Variants in CCDC68 observed in about 807,000 individuals in gnomAD.
CCDC68 encodes coiled-coil domain containing 68.
CCDC68 carries 45 observed loss-of-function variants against 47.1 expected under a neutral mutation model. That is an observed-to-expected ratio of 0.96 (90% confidence interval 0.75 to 1.23). The LOEUF (loss-of-function observed/expected upper bound fraction) is 1.23. Ranked by LOEUF, CCDC68 falls within the 50% of genes most tolerant of loss-of-function variation. The pLI, the probability that CCDC68 is intolerant of heterozygous loss-of-function variation, is 0.00. For synonymous variants in CCDC68, 131 were observed against 129.5 expected, an observed-to-expected ratio of 1.01 and a Z score of -0.08; for missense variants, 353 against 373.6, an observed-to-expected ratio of 0.94 and a Z score of 0.45.
chr18:54,920,124 A>G (rs778961087), intron 8 of CCDC68, among the ~76,000 whole-genome samples: 1 of 152,146 alleles, frequency 6.6e-6, no homozygotes, highest in Non-Finnish European at 1.5e-5. Context: ...AGAGTTATGA[A>G]GCCACATGCA....
chr18:54,947,509 C>T (rs1341454865), intron 1 of CCDC68, among the ~76,000 whole-genome samples: 3 of 152,236 alleles, frequency 2.0e-5, no homozygotes, highest in Non-Finnish European at 4.4e-5. Context: ...CCACTCCATA[C>T]CTGTGTGACC....
Position 54,928,814 on chromosome 18 carries a change from A to G in CCDC68, c.669T>C (p.Ala223=). Residue 223 remains alanine (A), a synonymous_variant, in exon 8 of 12, where the codon GCT becomes GCC. Transcript: ENST00000591504. Reference sequence around the variant, plus strand: ...GCTTCACAAACCTTTTTCCATATGTAGCACTGGATTTGAGTTGCAGTAGCT... The same window carrying G: ...GCTTCACAAACCTTTTTCCATATGTGGCACTGGATTTGAGTTGCAGTAGCT... The part of the protein sequence containing the change: ...ENKLLQLKSS[A]TYGKSCQDLQ... 6.2e-7 allele frequency: 1 copy of G among 1,610,776 alleles called. No individual in the cohort carries two copies. The highest frequency in any genetic ancestry group is 8.5e-7 in the Non-Finnish European group (1 of 1,176,942).
chr18:54,914,549 C>A (rs1163781959), intron 10 of CCDC68, among the ~76,000 whole-genome samples: 1 of 151,906 alleles, frequency 6.6e-6, no homozygotes, highest in African/African-American at 2.4e-5. Flanking sequence ...ACCCGGGAGG[C>A]CAAGGCTGCA....
chr18:54,924,919 T>C lies in CCDC68; in HGVS notation c.683+3881A>G, dbSNP rs545583629. On this transcript the variant is annotated intron_variant, in intron 8 of 11. Coordinates refer to ENST00000591504, the MANE Select transcript of CCDC68 (RefSeq NM_025214.3). ...TGTTCCAATGGCTTTTATTGAATTG[T>C]GTTGGCATCATGCTATTCTGTTTAG... 7.2e-5 allele frequency among the ~76,000 whole-genome samples: 11 copies of C among 152,294 alleles called. No homozygotes were observed. The South Asian group carries it at 2.3e-3, about 32-fold the overall frequency.
At chr18:54,909,839 G>C (rs1417276452) in intron 10 of CCDC68, among the ~76,000 whole-genome samples, 2 of 152,252 alleles carry the variant, frequency 1.3e-5, no homozygotes. Context: ...GCCCCAAAGA[G>C]AGAGTCACAG....
rs1211810722 is a variant in CCDC68, at chr18:54,902,219, A to G, written c.*2139T>C. ...TAGGTGGTTTCACCACTGTATTTCC[A>G]TGTTCAAAAATGAGTATAGTGAAAT... On this transcript the variant is annotated 3_prime_UTR_variant, in exon 12 of 12. Coordinates refer to ENST00000591504, the MANE Select transcript of CCDC68 (RefSeq NM_025214.3). 2 of 152,178 alleles carry G rather than the reference A, an allele frequency of 1.3e-5. No homozygotes were observed. Among genetic ancestry groups the G allele is most frequent in the East Asian group, 1.9e-4 (1 of 5,200 alleles). 9.4% of individuals were successfully genotyped at this position (152,178 alleles called of 1,614,324 possible). A position where few individuals can be genotyped will look rare whatever the true frequency, so the allele number is the denominator to read the frequency against.
chr18:54,952,408 TTA>T (rs1180823930), intron 1 of CCDC68, among the ~76,000 whole-genome samples: 1 of 152,144 alleles, frequency 6.6e-6, no homozygotes, highest in Non-Finnish European at 1.5e-5. Flanking sequence ...TGAACATAAT[TTA>T]TGTCATTTAA....
rs868384665 is a variant in CCDC68, at chr18:54,950,988, A to G, written c.-102-5511T>C. ...CAGTGGCGCGATCTCGGCTCACTGC[A>G]AGCTCCGCCTCCCGGGTTCACGCCA... On this transcript the variant is annotated intron_variant, in intron 1 of 11. Coordinates refer to ENST00000591504, the MANE Select transcript of CCDC68 (RefSeq NM_025214.3). Among the ~76,000 whole-genome samples the G allele has an allele frequency of 1.0e-3, 130 of 126,816 alleles. 1 individual carries two copies. The highest frequency in any genetic ancestry group is 3.8e-3 in the African/African-American group (129 of 33,666). The allele number at this position is 126,816 out of a possible 152,430, so 83.2% of individuals were successfully genotyped here. A position where few individuals can be genotyped will look rare whatever the true frequency, so the allele number is the denominator to read the frequency against.
At chr18:54,923,605 AT>A (rs1300286555) in intron 8 of CCDC68, among the ~76,000 whole-genome samples, 1 of 152,222 alleles carries the variant, frequency 6.6e-6, no homozygotes, top group Non-Finnish European at 1.5e-5. Flanking sequence ...TCCAATAAAT[AT>A]GAAGCCTAGT....
chr18:54,910,038 A>C (rs1032664087), intron 10 of CCDC68, among the ~76,000 whole-genome samples: 1 of 152,262 alleles, frequency 6.6e-6, no homozygotes, highest in Non-Finnish European at 1.5e-5. Context: ...GTACCCAGAC[A>C]AGTGTAGAGT....
intron 1 of CCDC68, among the ~76,000 whole-genome samples, chr18:54,955,019 C>A (rs924848321): frequency 6.6e-6 from 1 of 152,040 alleles, no homozygotes; most frequent in Non-Finnish European, 1.5e-5. Context: ...TTCTAAATTG[C>A]CAATAAAATA....
At chr18:54,906,555 C>T (rs1201938665) in intron 11 of CCDC68, among the ~76,000 whole-genome samples, 1 of 152,084 alleles carries the variant, frequency 6.6e-6, no homozygotes, top group African/African-American at 2.4e-5. Context: ...GTCCAAGCAG[C>T]TGGGACTGGC....
At chr18:54,954,554 G>C (rs916838467) in intron 1 of CCDC68, 4 of 152,136 alleles carry the variant, frequency 2.6e-5, no homozygotes, top group African/African-American at 9.7e-5. Flanking sequence ...AAAATAAATA[G>C]CAGGTGCTTA....
chr18:54,905,048 C>T (rs887675052), intron 11 of CCDC68, among the ~76,000 whole-genome samples: 7 of 151,946 alleles, frequency 4.6e-5, no homozygotes, highest in Non-Finnish European at 8.8e-5. Context: ...TCACTTGAGC[C>T]CAGGAGTTCA....
chr18:54,958,515 A>G (rs2044750419), intron 1 of CCDC68, among the ~76,000 whole-genome samples: 1 of 152,200 alleles, frequency 6.6e-6, no homozygotes, highest in South Asian at 2.1e-4. Flanking sequence ...ATACACCAAG[A>G]AAGTAAAAGA....
At position 54,917,947 on chromosome 18, in the gene CCDC68, T is replaced by C. The variant is rs746777826; in HGVS notation, c.839A>G (p.Asn280Ser). Residue 280 changes from asparagine (N) to serine (S), a missense_variant, in exon 10 of 12, where the codon AAT (asparagine) becomes AGT (serine). By Grantham distance (46) the Asn-to-Ser change is conservative. Transcript: ENST00000591504. ...AAGTATGTTAACCTTTTCTCTGAGA[T>C]TTTCAATTCTTTTGTCTTGTTCTTT... ...NLKEQDKRIE[N>S]LREKVNILEA... 6.4e-7 allele frequency: 1 copy of C among 1,574,452 alleles called. No individual in the cohort carries two copies. Among genetic ancestry groups the C allele is most frequent in the African/African-American group, 1.4e-5 (1 of 73,870 alleles).
At chr18:54,918,463 A>T (rs2043993515) in intron 9 of CCDC68, among the ~76,000 whole-genome samples, 1 of 152,214 alleles carries the variant, frequency 6.6e-6, no homozygotes, top group African/African-American at 2.4e-5. Context: ...GGGTGATGAG[A>T]TGCAAAGCAG....
chr18:54,917,827 C>T, intron 10 of CCDC68, 86 bp downstream of exon 10: 1 of 739,240 alleles, frequency 1.4e-6, no homozygotes, highest in South Asian at 1.6e-5. Flanking sequence ...ATACTGATAC[C>T]CTCACGTGCA....
intron 7 of CCDC68, among the ~76,000 whole-genome samples, chr18:54,930,614 C>CCTTCCTTCCTT (rs1291398392): frequency 6.9e-4 from 39 of 56,522 alleles, no homozygotes; most frequent in African/African-American, 2.6e-3. Flanking sequence ...TTCCTTCCTT[C>CCTTCCTTCCTT]CCTTCCCTTC....
Sources: gnomAD v4.1 joint callset for allele counts (sites outside exome capture counted in the v4.1 genomes callset) on GRCh38, gnomAD v4.1.1 for gene constraint, MANE v1.5 for transcripts, NCBI Gene and HGNC (gene_info 2026-07-23, HGNC 2026-07-21) for gene names.